COG5: variants seen among roughly 807,000 people sequenced by gnomAD.
COG5 encodes conserved oligomeric Golgi complex subunit 5.
A neutral mutation model predicts 110.4 loss-of-function variants in COG5; 86 were observed. The ratio of observed to expected loss-of-function variants is 0.78; its 90% CI spans 0.65 to 0.93. The LOEUF (loss-of-function observed/expected upper bound fraction) is 0.93, where lower values mean the gene tolerates loss of function less well. Among genes scored for constraint, COG5 ranks in the 40% least tolerant of loss-of-function variants. The pLI is 0.00. For synonymous variants in COG5, 360 were observed against 334.6 expected (o/e 1.08, Z -0.83); for missense variants, 1,077 against 987.0 (o/e 1.09, Z -1.22).
intron 16 of COG5, among the ~76,000 whole-genome samples, chr7:107,252,873 A>G (rs1039692675): frequency 1.3e-5 from 2 of 152,158 alleles, no homozygotes; most frequent in African/African-American, 4.8e-5. Flanking sequence ...TAATAATAAA[A>G]AATAGAAAAC....
chr7:107,533,798 T>C (rs1334997589), intron 5 of COG5, among the ~76,000 whole-genome samples: 1 of 151,354 alleles, frequency 6.6e-6, no homozygotes, highest in African/African-American at 2.5e-5. Flanking sequence ...AACATTCAAA[T>C]TCAGGAAATA....
At chr7:107,301,004 T>C (rs74774133) in intron 11 of COG5, among the ~76,000 whole-genome samples, 27,313 of 152,070 alleles carry the variant, frequency 0.18, 2,658 homozygotes, top group Non-Finnish European at 0.22. Flanking sequence ...CACACATATC[T>C]GACAGACTGA....
chr7:107,370,988 T>G (rs74597345), intron 8 of COG5, among the ~76,000 whole-genome samples: 6,889 of 152,012 alleles, frequency 0.045, 508 homozygotes, highest in African/African-American at 0.16. Flanking sequence ...CATGAATAAC[T>G]GCTTTCATTT....
Position 107,474,643 on chromosome 7 carries a change from C to T in COG5, c.538+52594G>A. ...TGGAAATACCTGGGAAAACAAGACA[C>T]TTTTATGTGTCAGTACAAATGAATA... On this transcript the variant is annotated intron_variant, in intron 6 of 21. Coordinates refer to ENST00000297135, the MANE Select transcript of COG5 (RefSeq NM_006348.5). The surrounding 1 kb of genome is among the most constrained non-coding windows in gnomAD (Gnocchi z 5.7). 6.2e-7 allele frequency: 1 copy of T among 1,610,274 alleles called. No homozygotes were observed. Among genetic ancestry groups the T allele is most frequent in the Non-Finnish European group, 8.5e-7 (1 of 1,177,146 alleles).
At chr7:107,298,409 CATATGAAGATATGTTCCAAAT>C in intron 11 of COG5, 63 bp from the exon 12 acceptor site, 1 of 1,365,104 alleles carries the variant, frequency 7.3e-7, no homozygotes, top group Non-Finnish European at 1.0e-6. Flanking sequence ...GTTTCTTTTG[CATATGAAGATATGTTCCAAAT>C]AACCCATACT....
At chr7:107,312,823 T>C (rs73726022) in intron 11 of COG5, among the ~76,000 whole-genome samples, 2 of 105,020 alleles carry the variant, frequency 1.9e-5, no homozygotes, top group Non-Finnish European at 4.8e-5. Flanking sequence ...AATTCATGCT[T>C]GGCAGAAGCA....
intron 14 of COG5, among the ~76,000 whole-genome samples, chr7:107,278,240 T>C (rs568547656): frequency 5.9e-5 from 9 of 152,096 alleles, no homozygotes; most frequent in Non-Finnish European, 8.8e-5. Context: ...CCTTCCTTCC[T>C]TCCCTTCCTT....
chr7:107,259,590 A>AG (rs1164813238), intron 14 of COG5, among the ~76,000 whole-genome samples: 6 of 152,126 alleles, frequency 3.9e-5, no homozygotes, highest in African/African-American at 4.8e-5. Flanking sequence ...GACTCGGGGC[A>AG]GGGGGGGTCA....
intron 14 of COG5, among the ~76,000 whole-genome samples, chr7:107,272,830 A>C (rs1804387361): frequency 6.6e-6 from 1 of 152,194 alleles, no homozygotes. Flanking sequence ...AAAGTACTCT[A>C]AACTGGCACA....
chr7:107,313,237 TA>T (rs1429803411), intron 11 of COG5, among the ~76,000 whole-genome samples: 1 of 152,034 alleles, frequency 6.6e-6, no homozygotes, highest in Non-Finnish European at 1.5e-5. Context: ...CATGTCAAAG[TA>T]AAAGAGGAGA....
chr7:107,546,652 C>A (rs1584953947), intron 5 of COG5, among the ~76,000 whole-genome samples: 1 of 147,116 alleles, frequency 6.8e-6, no homozygotes, highest in Admixed American at 6.8e-5. Context: ...TTTAGCTAGA[C>A]TAAGAAAAAA....
chr7:107,372,532 A>G lies in COG5; in HGVS notation c.835+63T>C. 3.3e-6 allele frequency: 5 copies of G among 1,505,230 alleles called. No homozygotes were observed. In the African/African-American group the frequency reaches 6.9e-5, roughly 21 times the overall value. The allele number at this position is 1,505,230 out of a possible 1,614,324, so 93.2% of individuals were successfully genotyped here. ...GCTTTGAAACATGAGTGTTTCACAT[A>G]CTATTCAAAAGACTTCTCAGTTATA... On this transcript the variant is annotated intron_variant, in intron 8 of 21. Coordinates refer to ENST00000297135, the MANE Select transcript of COG5 (RefSeq NM_006348.5).
chr7:107,250,737 T>C (rs1055634472), intron 16 of COG5, among the ~76,000 whole-genome samples: 13 of 152,020 alleles, frequency 8.6e-5, no homozygotes, highest in Non-Finnish European at 1.8e-4. Context: ...GTAGCTGAAA[T>C]TGTAAAATTG....
intron 10 of COG5, among the ~76,000 whole-genome samples, chr7:107,326,351 G>T (rs890234021): frequency 2.6e-5 from 4 of 152,044 alleles, no homozygotes; most frequent in African/African-American, 9.7e-5. Context: ...AATTGGAATG[G>T]AAGAAGTAAA....
chr7:107,434,797 T>C (rs547315226), intron 6 of COG5, among the ~76,000 whole-genome samples: 91 of 151,980 alleles, frequency 6.0e-4, no homozygotes, highest in African/African-American at 1.4e-3. Context: ...AGTGAAACCC[T>C]GTCTCTACTA....
intron 6 of COG5, among the ~76,000 whole-genome samples, chr7:107,417,700 C>T (rs1178635771): frequency 6.6e-6 from 1 of 152,090 alleles, no homozygotes; most frequent in Admixed American, 6.6e-5. Context: ...ACAGATAGCA[C>T]TGGATATTAC....
chr7:107,210,240 G>A, intron 21 of COG5: 1 of 1,272,726 alleles, frequency 7.9e-7, no homozygotes, highest in Non-Finnish European at 1.0e-6. Flanking sequence ...CATAGCAAAT[G>A]ATGATTTTCA....
Position 107,324,541 on chromosome 7 carries a change from A to C in COG5, c.1027-20T>G. ...TCCATCCTGTGAAGAACAAACAAAA[A>C]TTTTTTAAAAATAAAAAAATGCATT... On this transcript the variant is annotated intron_variant, in intron 10 of 21. Transcript: ENST00000297135. 1 of 1,499,272 alleles carries C rather than the reference A, an allele frequency of 6.7e-7. No individual in the cohort carries two copies. Among genetic ancestry groups the C allele is most frequent in the East Asian group, 2.3e-5 (1 of 43,996 alleles). The allele number at this position is 1,499,272 out of a possible 1,614,324, so 92.9% of individuals were successfully genotyped here.
chr7:107,232,405 C>A (rs974031960), intron 18 of COG5, among the ~76,000 whole-genome samples: 2 of 152,198 alleles, frequency 1.3e-5, no homozygotes, highest in Admixed American at 1.3e-4. Flanking sequence ...AAATACCTCT[C>A]TCTATATAAT....
Sources: gnomAD v4.1 joint callset for allele counts (sites outside exome capture counted in the v4.1 genomes callset) on GRCh38, gnomAD v4.1.1 for gene constraint, Gnocchi (gnomAD v3.1) non-coding constraint, MANE v1.5 for transcripts, NCBI Gene and HGNC (gene_info 2026-07-23, HGNC 2026-07-21) for gene names.